The following SV2B variants were observed in gnomAD, a reference collection of about 807,000 sequenced individuals.
The protein encoded by SV2B is synaptic vesicle glycoprotein 2B, also known as solute carrier family 22 member B2.
A neutral mutation model predicts 73.9 loss-of-function variants in SV2B; 41 were observed. The ratio of observed to expected loss-of-function variants is 0.56; its 90% CI spans 0.43 to 0.72. SV2B has a LOEUF of 0.72. Ranked by LOEUF, SV2B falls within the 30% of genes least tolerant of loss-of-function variation. SV2B has a pLI of 0.00. For missense variants in SV2B, 764 were observed against 857.8 expected (o/e 0.89, Z 1.37); for synonymous variants, 314 against 314.2 (o/e 1.00, Z 0.01).
rs1439705480 is a variant in SV2B, at chr15:91,296,480, T to G, written c.*3928T>G. 1 of 151,918 alleles carries G rather than the reference T, an allele frequency of 6.6e-6. No homozygotes were observed. The highest frequency in any genetic ancestry group is 1.5e-5 in the Non-Finnish European group (1 of 68,110). The allele number at this position is 151,918 out of a possible 1,614,324, so 9.4% of individuals were successfully genotyped here. ...GCCCGATCATTGGGAGCACACTCCT[T>G]CTGCCTGATCGTTGGGAGCACACTC... On this transcript the variant is annotated 3_prime_UTR_variant, in exon 13 of 13. Coordinates refer to ENST00000394232, the MANE Select transcript of SV2B (RefSeq NM_001323032.3).
chr15:91,297,126 T>A lies in SV2B; in HGVS notation c.*4574T>A, dbSNP rs554569336. On this transcript the variant is annotated 3_prime_UTR_variant, in exon 13 of 13. Coordinates refer to ENST00000394232, the MANE Select transcript of SV2B (RefSeq NM_001323032.3). The surrounding 1 kb of genome is among the most constrained non-coding windows in gnomAD (Gnocchi z 5.1). ...TGGGAGCACGCTCCTTCTGCCTGAT[T>A]GTTGGAAGCACGCTCCTTCTGCCTT... 1 of 151,722 alleles carries A rather than the reference T, an allele frequency of 6.6e-6. No individual in the cohort carries two copies. The highest frequency in any genetic ancestry group is 2.0e-4 in the East Asian group (1 of 5,002). The allele number at this position is 151,722 out of a possible 1,614,324, so 9.4% of individuals were successfully genotyped here.
intron 1 of SV2B, among the ~76,000 whole-genome samples, chr15:91,176,937 T>G (rs1407476852): frequency 1.3e-5 from 2 of 152,216 alleles, no homozygotes; most frequent in East Asian, 3.8e-4. Context: ...TGCCATTGCT[T>G]TTGGCATTTT....
chr15:91,263,199 GAC>G (rs2047976385), intron 6 of SV2B, among the ~76,000 whole-genome samples: 1 of 145,302 alleles, frequency 6.9e-6, no homozygotes, highest in Non-Finnish European at 1.5e-5. Context: ...CAGACACAGA[GAC>G]ACATGGACAC....
chr15:91,132,506 G>A lies in SV2B; in HGVS notation c.-392+32143G>A, dbSNP rs1375121449. On this transcript the variant is annotated intron_variant, in intron 1 of 12. Coordinates refer to ENST00000394232, the MANE Select transcript of SV2B (RefSeq NM_001323032.3). This position sits in a 1 kb window ranked among gnomAD's most constrained non-coding sequence, Gnocchi z 4.6. ...AAGTTACAAAGTTGCAAACGAAGAC[G>A]GGACCCTCATTCAGTCTGATTTATT... 6.6e-6 allele frequency among the ~76,000 whole-genome samples: 1 copy of A among 152,194 alleles called. No homozygotes were observed. Among genetic ancestry groups the A allele is most frequent in the Non-Finnish European group, 1.5e-5 (1 of 68,036 alleles).
Position 91,298,367 on chromosome 15 carries a change from G to A in SV2B, c.*5815G>A, listed in dbSNP as rs372293908. 1.3e-5 allele frequency: 2 copies of A among 152,160 alleles called. No homozygotes were observed. The highest frequency in any genetic ancestry group is 4.8e-5 in the African/African-American group (2 of 41,418). 9.4% of individuals were successfully genotyped at this position (152,160 alleles called of 1,614,324 possible). A position where few individuals can be genotyped will look rare whatever the true frequency, so the allele number is the denominator to read the frequency against. On this transcript the variant is annotated 3_prime_UTR_variant, in exon 13 of 13. Coordinates refer to ENST00000394232, the MANE Select transcript of SV2B (RefSeq NM_001323032.3). The surrounding 1 kb of genome is among the most constrained non-coding windows in gnomAD (Gnocchi z 5.4). ...GAACCGTTTGGAAATAAATCACATA[G>A]AGCCTTTGATTGTGAGGCAGGCTTA...
chr15:91,287,807 A>C (rs1251095789), intron 11 of SV2B, among the ~76,000 whole-genome samples: 1 of 152,244 alleles, frequency 6.6e-6, no homozygotes, highest in African/African-American at 2.4e-5. Flanking sequence ...GAAACAAATA[A>C]GGCAGGTGAG....
Position 91,220,593 on chromosome 15 carries a change from A to G in SV2B, c.-391-5280A>G, listed in dbSNP as rs1166059390. 6.6e-6 allele frequency among the ~76,000 whole-genome samples: 1 copy of G among 152,246 alleles called. No individual in the cohort carries two copies. On this transcript the variant is annotated intron_variant, in intron 1 of 12. Coordinates refer to ENST00000394232, the MANE Select transcript of SV2B (RefSeq NM_001323032.3). This position sits in a 1 kb window ranked among gnomAD's most constrained non-coding sequence, Gnocchi z 4.1. The stretch of plus-strand genomic sequence containing the variant: ...ATAAGCAAGAGTTTGCTGCACAATG[A>G]TTTTGAGTCATATAGCATAGATGCG...
chr15:91,132,433 C>A lies in SV2B; in HGVS notation c.-392+32070C>A, dbSNP rs2042683562. 6.6e-6 allele frequency among the ~76,000 whole-genome samples: 1 copy of A among 152,196 alleles called. No homozygotes were observed. Among genetic ancestry groups the A allele is most frequent in the Admixed American group, 6.5e-5 (1 of 15,280 alleles). ...TCTATGCAAATGAAGACTTGGCCTG[C>A]AATCAGTCTGATTGGTTGTGGACAG... On this transcript the variant is annotated intron_variant, in intron 1 of 12. Coordinates refer to ENST00000394232, the MANE Select transcript of SV2B (RefSeq NM_001323032.3). This position sits in a 1 kb window ranked among gnomAD's most constrained non-coding sequence, Gnocchi z 4.6.
At chr15:91,152,669 A>G (rs2043349599) in intron 1 of SV2B, among the ~76,000 whole-genome samples, 2 of 152,098 alleles carry the variant, frequency 1.3e-5, no homozygotes, top group Admixed American at 1.3e-4. Context: ...AAATTGTGTA[A>G]GTTTGGCTTG....
intron 1 of SV2B, among the ~76,000 whole-genome samples, chr15:91,134,656 C>T (rs1164613791): frequency 1.3e-5 from 2 of 152,208 alleles, no homozygotes; most frequent in Non-Finnish European, 2.9e-5. Context: ...TCAGCTTTTT[C>T]ATCAGTTAAA....
chr15:91,169,949 T>A (rs1671713522), intron 1 of SV2B, among the ~76,000 whole-genome samples: 1 of 152,208 alleles, frequency 6.6e-6, no homozygotes, highest in South Asian at 2.1e-4. Flanking sequence ...AAAAGCAATG[T>A]TTAAAATTGA....
At chr15:91,184,177 A>G (rs903777578) in intron 1 of SV2B, among the ~76,000 whole-genome samples, 3 of 152,172 alleles carry the variant, frequency 2.0e-5, no homozygotes, top group African/African-American at 7.2e-5. Context: ...GTCCCGTTAA[A>G]TAGAGTCCCC....
chr15:91,204,748 A>G (rs1401002951), intron 1 of SV2B, among the ~76,000 whole-genome samples: 1 of 151,742 alleles, frequency 6.6e-6, no homozygotes, highest in Non-Finnish European at 1.5e-5. Flanking sequence ...TGTAGAGATG[A>G]AGTCTTGCTA....
At position 91,294,647 on chromosome 15, in the gene SV2B, G is replaced by A. The variant is rs1268004897; in HGVS notation, c.*2095G>A. ...ACATCTAAAACATTATTCTTTAATGGGATAATACAATTCATTGAGCAGCTA... is the reference window on the plus strand; with the variant it reads ...ACATCTAAAACATTATTCTTTAATGAGATAATACAATTCATTGAGCAGCTA... On this transcript the variant is annotated 3_prime_UTR_variant, in exon 13 of 13. Coordinates refer to ENST00000394232, the MANE Select transcript of SV2B (RefSeq NM_001323032.3). The surrounding 1 kb of genome is among the most constrained non-coding windows in gnomAD (Gnocchi z 4.1). 7.3e-5 allele frequency: 11 copies of A among 151,576 alleles called. No individual in the cohort carries two copies. The highest frequency in any genetic ancestry group is 1.2e-4 in the African/African-American group (5 of 40,926). The allele number at this position is 151,576 out of a possible 1,614,324, so 9.4% of individuals were successfully genotyped here.
In SV2B at chr15:91,296,135, C is replaced by T. The variant is rs1403975661; in HGVS notation, c.*3583C>T. On this transcript the variant is annotated 3_prime_UTR_variant, in exon 13 of 13. Coordinates refer to ENST00000394232, the MANE Select transcript of SV2B (RefSeq NM_001323032.3). ...TTCTACAGACCTAATCGATTTTTAC[C>T]TAATCAGTTTTACAGAAAGGGTTAC... 1 of 151,918 alleles carries T rather than the reference C, an allele frequency of 6.6e-6. No homozygotes were observed. The highest frequency in any genetic ancestry group is 1.5e-5 in the Non-Finnish European group (1 of 67,994). 9.4% of individuals were successfully genotyped at this position (151,918 alleles called of 1,614,324 possible).
chr15:91,184,431 T>C (rs1046479949), intron 1 of SV2B, among the ~76,000 whole-genome samples: 2 of 152,324 alleles, frequency 1.3e-5, no homozygotes, highest in African/African-American at 4.8e-5. Context: ...ATGTCAGATT[T>C]TGTGAGATTT....
rs527955465 is a variant in SV2B at position 91,185,397 on chromosome 15, C to A, written c.-391-40476C>A. On this transcript the variant is annotated intron_variant, in intron 1 of 12. Coordinates refer to ENST00000394232, the MANE Select transcript of SV2B (RefSeq NM_001323032.3). ...TTGACATGATATGGATGACATTTTC[C>A]TTCCTTCCATTTAAATAATAAGTGT... Among the ~76,000 whole-genome samples the A allele has an allele frequency of 2.7e-4, 41 of 152,290 alleles. No individual in the cohort carries two copies. In the South Asian group the frequency reaches 8.1e-3, roughly 30 times the overall value.
rs1167964266 is a variant in SV2B at position 91,217,514 on chromosome 15, T to C, written c.-391-8359T>C. On this transcript the variant is annotated intron_variant, in intron 1 of 12. Transcript: ENST00000394232. ...CACCAACATGGCACATGTATACATA[T>C]GTAACAAACCTGCATGTTGTGCACA... 3.3e-5 allele frequency among the ~76,000 whole-genome samples: 5 copies of C among 152,080 alleles called. No homozygotes were observed. In the East Asian group the frequency reaches 7.7e-4, roughly 23 times the overall value.
At chr15:91,215,970 C>T (rs769292550) in intron 1 of SV2B, among the ~76,000 whole-genome samples, 3 of 152,042 alleles carry the variant, frequency 2.0e-5, no homozygotes, top group Non-Finnish European at 2.9e-5. Flanking sequence ...CAAAAAAATT[C>T]GCAGGGTTTG....
Sources: gnomAD v4.1 joint callset for allele counts (sites outside exome capture counted in the v4.1 genomes callset) on GRCh38, gnomAD v4.1.1 for gene constraint, Gnocchi (gnomAD v3.1) non-coding constraint, MANE v1.5 for transcripts, NCBI Gene and HGNC (gene_info 2026-07-23, HGNC 2026-07-21) for gene names.